The following AMMECR1 variants were observed in gnomAD, a reference collection of about 807,000 sequenced individuals.
AMMECR1 encodes the protein nuclear protein AMMECR1.
Under a neutral mutation model 22.5 loss-of-function variants are expected in AMMECR1, and 3 were observed. That is an observed-to-expected ratio of 0.13 (90% CI 0.06 to 0.35). AMMECR1 has a LOEUF of 0.35. AMMECR1 is among the 10% of genes least tolerant of loss of function. The probability of loss-of-function intolerance (pLI) is 1.00; values close to 1 mark genes in which losing one functional copy is unlikely to be tolerated. For missense variants in AMMECR1, 235 were observed against 278.7 expected (o/e 0.84, Z 1.12); for synonymous variants, 130 against 116.7 (o/e 1.11, Z -0.74).
At chrX:110,395,674 TGTGC>T (rs1215478416) in intron 2 of AMMECR1, among the ~76,000 whole-genome samples, 2 of 111,519 alleles carry the variant, frequency 1.8e-5, no homozygotes, top group African/African-American at 6.5e-5. Flanking sequence ...ATCCTAATCC[TGTGC>T]GTGTTTGAAG....
intron 2 of AMMECR1, chrX:110,219,734 C>T: frequency 2.5e-5 from 8 of 318,211 alleles, no homozygotes; most frequent in Non-Finnish European, 3.3e-5. Flanking sequence ...GATTTCAAAA[C>T]TCTGAAATAG....
At chrX:110,313,186 C>A (rs970746022) in intron 1 of AMMECR1, among the ~76,000 whole-genome samples, 1 of 111,803 alleles carries the variant, frequency 8.9e-6, no homozygotes, top group Non-Finnish European at 1.9e-5. Context: ...GGTGGCAAGA[C>A]GAGAAAGAGT....
chrX:110,207,417 A>T (rs1324059665), intron 3 of AMMECR1, among the ~76,000 whole-genome samples: 2 of 111,435 alleles, frequency 1.8e-5, no homozygotes, highest in Non-Finnish European at 3.8e-5. Context: ...AATACTTCGA[A>T]CTTAGGCCTA....
At chrX:110,241,607 C>A (rs1215732662) in intron 2 of AMMECR1, among the ~76,000 whole-genome samples, 2 of 109,362 alleles carry the variant, frequency 1.8e-5, no homozygotes, top group Admixed American at 9.8e-5. Context: ...AGGAGTTGAA[C>A]AATGAGAACA....
chrX:110,366,587 C>T (rs2068298796), intron 2 of AMMECR1, among the ~76,000 whole-genome samples: 1 of 111,492 alleles, frequency 9.0e-6, no homozygotes, highest in African/African-American at 3.3e-5. Context: ...CTAGTGTCTC[C>T]ATTTTCTTCT....
At chrX:110,224,369 T>C (rs1253663167) in intron 2 of AMMECR1, among the ~76,000 whole-genome samples, 2 of 111,341 alleles carry the variant, frequency 1.8e-5, no homozygotes, top group Non-Finnish European at 3.8e-5. Flanking sequence ...AAATAATATA[T>C]GGATATGTAT....
In AMMECR1 at chrX:110,327,490, C is replaced by A. The variant is rs753382220; in HGVS notation, c.-147-9641G>T. Among the ~76,000 whole-genome samples, 9 of 111,675 alleles carry A rather than the reference C, an allele frequency of 8.1e-5. No homozygotes were observed. The South Asian group carries it at 3.0e-3, about 38-fold the overall frequency. Reference sequence around the variant, plus strand: ...AGTGTCTATTATATTTAGCAACATGCATGTTGCATGTTGCAATAACATGAG... The same window carrying A: ...AGTGTCTATTATATTTAGCAACATGAATGTTGCATGTTGCAATAACATGAG... On this transcript the variant is annotated intron_variant, in intron 2 of 7. Coordinates refer to the AMMECR1 transcript ENST00000372057.
chrX:110,337,108 G>T (rs1424769631), intron 2 of AMMECR1, among the ~76,000 whole-genome samples: 1 of 111,049 alleles, frequency 9.0e-6, no homozygotes, highest in Non-Finnish European at 1.9e-5. Context: ...TTGAATTCCA[G>T]CTCTGCCATT....
At chrX:110,299,840 T>A (rs2206326) in intron 1 of AMMECR1, among the ~76,000 whole-genome samples, 31,374 of 111,234 alleles carry the variant, frequency 0.28, 4,433 homozygotes, top group East Asian at 0.93. Flanking sequence ...CATAATGTTT[T>A]CCAGGTTCAC....
At chrX:110,289,232 T>A (rs1162316162) in intron 1 of AMMECR1, among the ~76,000 whole-genome samples, 2 of 111,673 alleles carry the variant, frequency 1.8e-5, no homozygotes, top group African/African-American at 6.5e-5. Flanking sequence ...AATTTCTACC[T>A]CTTTTAGTCA....
intron 2 of AMMECR1, among the ~76,000 whole-genome samples, chrX:110,377,475 T>C (rs1445009731): frequency 8.9e-6 from 1 of 111,776 alleles, no homozygotes; most frequent in Non-Finnish European, 1.9e-5. Context: ...CTTTCTTTTT[T>C]TCTTTTAATA....
At chrX:110,318,745 T>A (rs2068067237), upstream of AMMECR1, among the ~76,000 whole-genome samples, 1 of 111,715 alleles carries the variant, frequency 9.0e-6, no homozygotes, top group African/African-American at 3.3e-5. Context: ...TGCTGTCTTT[T>A]TAATTCCAGC....
intron 2 of AMMECR1, among the ~76,000 whole-genome samples, chrX:110,230,936 T>C (rs1300529375): frequency 1.8e-5 from 2 of 111,740 alleles, no homozygotes; most frequent in African/African-American, 6.5e-5. Context: ...GTATCAGTGA[T>C]TGAAGATCAA....
At chrX:110,325,829 G>A (rs2068095545) in intron 2 of AMMECR1, among the ~76,000 whole-genome samples, 1 of 111,321 alleles carries the variant, frequency 9.0e-6, no homozygotes, top group Non-Finnish European at 1.9e-5. Flanking sequence ...GCTTCTGTTT[G>A]CTCATCTGGC....
Position 110,194,355 on chromosome X carries a change from C to T in AMMECR1, c.*4165G>A, listed in dbSNP as rs1255065064. The T allele has an allele frequency of 9.0e-6, 1 of 111,508 alleles. No individual in the cohort carries two copies. Among genetic ancestry groups the T allele is most frequent in the African/African-American group, 3.3e-5 (1 of 30,625 alleles). The allele number at this position is 111,508 out of a possible 1,213,427, so 9.2% of individuals were successfully genotyped here. A position where few individuals can be genotyped will look rare whatever the true frequency, so the allele number is the denominator to read the frequency against. On this transcript the variant is annotated 3_prime_UTR_variant, in exon 6 of 6. Transcript: ENST00000262844. ...AAAGCCATACATGTCATATAAAATG[C>T]CCATTTCCAATAGTTTCTTCAAACT...
intron 1 of AMMECR1, among the ~76,000 whole-genome samples, chrX:110,282,619 T>TGAA (rs2067858225): frequency 1.8e-5 from 2 of 111,951 alleles, no homozygotes; most frequent in South Asian, 7.5e-4. Flanking sequence ...TTGGATACCT[T>TGAA]GAAGAAGTAG....
intron 2 of AMMECR1, among the ~76,000 whole-genome samples, chrX:110,245,907 G>C (rs752362945): frequency 1.1e-3 from 119 of 111,611 alleles, no homozygotes; most frequent in African/African-American, 3.5e-3. Context: ...CTCTCTCGTA[G>C]GGATTTAAAA....
At chrX:110,362,616 A>C (rs2068271412) in intron 2 of AMMECR1, among the ~76,000 whole-genome samples, 2 of 111,753 alleles carry the variant, frequency 1.8e-5, no homozygotes, top group Admixed American at 9.5e-5. Flanking sequence ...GTTCTGAAAA[A>C]CTTCAGCTTT....
At chrX:110,395,424 C>T (rs1440525814) in intron 2 of AMMECR1, among the ~76,000 whole-genome samples, 1 of 111,732 alleles carries the variant, frequency 8.9e-6, no homozygotes, top group Non-Finnish European at 1.9e-5. Flanking sequence ...GGAGGGCATA[C>T]CGCCTACCTG....
Sources: gnomAD v4.1 joint callset for allele counts (sites outside exome capture counted in the v4.1 genomes callset) on GRCh38, gnomAD v4.1.1 for gene constraint, MANE v1.5 for transcripts, NCBI Gene and HGNC (gene_info 2026-07-23, HGNC 2026-07-21) for gene names.